FHDC1: variants seen among roughly 807,000 people sequenced by gnomAD.
FHDC1 encodes the protein FH2 domain-containing protein 1.
A neutral mutation model predicts 52.6 loss-of-function variants in FHDC1; 25 were observed. That is an observed-to-expected ratio of 0.48 (90% confidence interval 0.35 to 0.66). FHDC1 has a LOEUF of 0.66. FHDC1 is among the 30% of genes least tolerant of loss of function. The probability of loss-of-function intolerance (pLI) is 0.01; values close to 1 mark genes in which losing one functional copy is unlikely to be tolerated. For synonymous variants in FHDC1, 616 were observed against 581.5 expected (o/e 1.06, Z -0.85); for missense variants, 1,459 against 1,452.8 (o/e 1.00, Z -0.07).
chr4:152,972,755 A>G (rs1261525178), intron 11 of FHDC1, among the ~76,000 whole-genome samples: 2 of 152,186 alleles, frequency 1.3e-5, no homozygotes, highest in African/African-American at 4.8e-5. Context: ...AGGGGGAGGC[A>G]TTTGACTGCC....
rs1032814145 is a variant in FHDC1, at chr4:152,936,360, G to T, written c.-180G>T. On this transcript the variant is annotated 5_prime_UTR_variant, in exon 1 of 12. Transcript: ENST00000511601. ...GAGGCGGCTACGCCGACACAACGGC[G>T]GGAGGCTGCAGCGGTCTGCGCGCCG... 2.6e-5 allele frequency: 4 copies of T among 152,308 alleles called. No homozygotes were observed. Among genetic ancestry groups the T allele is most frequent in the African/African-American group, 7.2e-5 (3 of 41,430 alleles). 9.4% of individuals were successfully genotyped at this position (152,308 alleles called of 1,614,324 possible).
chr4:152,964,873 C>A, intron 8 of FHDC1, 32 bp from the exon 9 acceptor site: 1 of 1,547,788 alleles, frequency 6.5e-7, no homozygotes, highest in Non-Finnish European at 8.9e-7. Context: ...GTTTTATCAA[C>A]ATAGTGAGAT....
chr4:152,968,110 C>T lies in FHDC1; in HGVS notation c.1218+13C>T. Reference sequence around the variant, plus strand: ...AGATTTTCTTCAGGTTTGTAGGTGACTCAAGTCAGTCCCTCTAATCTCATC... The same window carrying T: ...AGATTTTCTTCAGGTTTGTAGGTGATTCAAGTCAGTCCCTCTAATCTCATC... On this transcript the variant is annotated intron_variant, in intron 10 of 11. Coordinates refer to ENST00000511601, the MANE Select transcript of FHDC1 (RefSeq NM_001371116.1). 6.3e-7 allele frequency: 1 copy of T among 1,597,158 alleles called. No homozygotes were observed. Among genetic ancestry groups the T allele is most frequent in the Non-Finnish European group, 8.6e-7 (1 of 1,165,902 alleles).
rs566774016 is a variant in FHDC1, at chr4:152,942,285, T to C, written c.-130-643T>C. Among the ~76,000 whole-genome samples, 3 of 152,352 alleles carry C rather than the reference T, an allele frequency of 2.0e-5. No individual in the cohort carries two copies. In the East Asian group the frequency reaches 5.8e-4, roughly 29 times the overall value. On this transcript the variant is annotated intron_variant, in intron 1 of 11. Coordinates refer to ENST00000511601, the MANE Select transcript of FHDC1 (RefSeq NM_001371116.1). The stretch of plus-strand genomic sequence containing the variant: ...TGAGGCAAAGTGACTTGTCTAAAAC[T>C]ATAAGCAGTAAAGCTTGATTTAGGG...
intron 2 of FHDC1, among the ~76,000 whole-genome samples, chr4:152,950,006 G>A (rs536182019): frequency 8.5e-5 from 13 of 152,280 alleles, no homozygotes; most frequent in African/African-American, 2.6e-4. Context: ...AGTAATTACC[G>A]GTTGATCGGA....
chr4:152,969,672 T>C (rs34816685), intron 10 of FHDC1, among the ~76,000 whole-genome samples: 2,870 of 151,100 alleles, frequency 0.019, 52 homozygotes, highest in Non-Finnish European at 0.026. Flanking sequence ...GTCGTTTTTT[T>C]TTTTTTTTTT....
chr4:152,963,765 CTTTGTTTT>C (rs368276044), intron 8 of FHDC1, among the ~76,000 whole-genome samples: 11 of 50,928 alleles, frequency 2.2e-4, no homozygotes, highest in African/African-American at 7.1e-4. Context: ...CTATCCATTG[CTTTGTTTT>C]TTTTTTTTTT....
At chr4:152,974,401 G>A (rs1435916241) in intron 11 of FHDC1, among the ~76,000 whole-genome samples, 1 of 152,086 alleles carries the variant, frequency 6.6e-6, no homozygotes, top group Non-Finnish European at 1.5e-5. Context: ...GATAAAAACT[G>A]TAGACAGATT....
the FHDC1 span, among the ~76,000 whole-genome samples, chr4:152,924,670 C>G: frequency 8.5e-5 from 13 of 152,174 alleles, no homozygotes; most frequent in Admixed American, 7.9e-4. Flanking sequence ...CCATGGAATA[C>G]TGTGCAGCCA....
the FHDC1 span, among the ~76,000 whole-genome samples, chr4:152,921,546 T>C: frequency 7.2e-5 from 10 of 138,616 alleles, no homozygotes; most frequent in Admixed American, 2.2e-4. Context: ...AAATATTTTC[T>C]TTCCTTCCTT....
In FHDC1 at chr4:152,972,435, C is replaced by A. The variant is rs766752522; in HGVS notation, c.1277C>A (p.Ala426Asp). 1.2e-6 allele frequency: 2 copies of A among 1,613,726 alleles called. No individual in the cohort carries two copies. The highest frequency in any genetic ancestry group is 1.1e-5 in the South Asian group (1 of 90,974). Residue 426 changes from alanine to aspartate, a missense_variant, in exon 11 of 12, where the codon GCC (alanine) becomes GAC (aspartate). Ala to Asp is a moderately radical substitution (Grantham distance 126). Transcript: ENST00000511601. ...ECWKQELQDE[A>D]YTLIDFFCED... is the part of the protein sequence containing the mutation. The stretch of plus-strand genomic sequence containing the variant: ...TGGAAACAAGAGCTCCAGGATGAGG[C>A]CTACACCCTTATAGATTTTTTCTGT...
At chr4:152,930,626 T>A in the FHDC1 span, among the ~76,000 whole-genome samples, 1 of 152,214 alleles carries the variant, frequency 6.6e-6, no homozygotes, top group South Asian at 2.1e-4. Flanking sequence ...CAGTCAAAAC[T>A]TGAATAATAG....
In FHDC1 at chr4:152,953,574, C is replaced by T; in HGVS notation, c.560+14C>T. On this transcript the variant is annotated intron_variant, in intron 3 of 11. Transcript: ENST00000511601. ...GCAATTTAAGAAGTAAGATTTTGCA[C>T]ACATTTGAAACTTTAGTCATATCCC... is the stretch of plus-strand genomic sequence containing the variant. The T allele has an allele frequency of 1.9e-6, 3 of 1,607,210 alleles. No homozygotes were observed. The highest frequency in any genetic ancestry group is 1.1e-5 in the South Asian group (1 of 90,878).
chr4:152,957,752 A>G (rs1467903278), intron 4 of FHDC1, among the ~76,000 whole-genome samples: 2 of 152,160 alleles, frequency 1.3e-5, no homozygotes, highest in Non-Finnish European at 2.9e-5. Context: ...AGCCAAGGTT[A>G]ATTCGTTGTT....
chr4:152,972,303 C>A, intron 10 of FHDC1, 74 bp from the exon 11 acceptor site: 1 of 1,443,728 alleles, frequency 6.9e-7, no homozygotes, highest in South Asian at 1.4e-5. Context: ...CTTCTCTGGG[C>A]ACCGGATGCA....
chr4:152,962,946 TG>T lies in FHDC1; in HGVS notation c.921+63del, dbSNP rs1561210707. On this transcript the variant is annotated intron_variant, in intron 7 of 11. Transcript: ENST00000511601. ...TCAACCTTGTCTATCTAAAGGTGTG[TG>T]TGTGTGTGTGTGTGTGTGTGTGTGT... 1,420 of 1,234,086 alleles carry T rather than the reference TG, an allele frequency of 1.2e-3. 6 individuals are homozygous for T. In the African/African-American group the frequency reaches 0.018, roughly 15 times the overall value. The allele number at this position is 1,234,086 out of a possible 1,614,324, so 76.4% of individuals were successfully genotyped here.
At chr4:152,911,804 A>G in the FHDC1 span, 8 of 152,488 alleles carry the variant, frequency 5.2e-5, no homozygotes, top group African/African-American at 1.9e-4. Context: ...AGAGAGCCTT[A>G]TTTTATTCTT....
In FHDC1 at chr4:152,975,628, C is replaced by G. The variant is rs61756709; in HGVS notation, c.2337C>G (p.Cys779Trp). 67 of 1,613,658 alleles carry G rather than the reference C, an allele frequency of 4.2e-5. No individual in the cohort carries two copies. The African/African-American group carries it at 8.3e-4, about 20-fold the overall frequency. The change falls in exon 12 of 12, where the codon TGC becomes TGG. Residue 779 changes from cysteine to tryptophan, a missense_variant. Cys to Trp is a radical substitution (Grantham distance 215). Around this residue, in one of 3 missense-constraint regions of FHDC1, gnomAD observed 939 missense variants for 854.5 expected, o/e 1.10. Coordinates refer to ENST00000511601, the MANE Select transcript of FHDC1 (RefSeq NM_001371116.1). ...PLFCISDTTD[C>W]SLTLDCSEGT... is the part of the protein sequence containing the mutation. Reference sequence around the variant, plus strand: ...TCTGCATCTCGGACACCACCGACTGCTCACTGACCCTGGACTGCTCAGAGG... The same window carrying G: ...TCTGCATCTCGGACACCACCGACTGGTCACTGACCCTGGACTGCTCAGAGG...
At chr4:152,957,346 T>C (rs1740128010) in intron 4 of FHDC1, among the ~76,000 whole-genome samples, 1 of 152,168 alleles carries the variant, frequency 6.6e-6, no homozygotes, top group Non-Finnish European at 1.5e-5. Flanking sequence ...CTATGATTCT[T>C]TTGTGTATTT....
Sources: gnomAD v4.1 joint callset for allele counts (sites outside exome capture counted in the v4.1 genomes callset) on GRCh38, gnomAD v4.1.1 for gene constraint, gnomAD v4.1.1 regional missense constraint, MANE v1.5 for transcripts, NCBI Gene and HGNC (gene_info 2026-07-23, HGNC 2026-07-21) for gene names.